Variants in SLC35D2 observed in about 807,000 individuals in gnomAD.
SLC35D2 encodes nucleotide sugar transporter SLC35D2.
A neutral mutation model predicts 41.8 loss-of-function variants in SLC35D2; 43 were observed. The ratio of observed to expected loss-of-function variants is 1.03; its 90% CI spans 0.81 to 1.33. The LOEUF is 1.33. Among genes scored for constraint, SLC35D2 ranks in the 40% most tolerant of loss-of-function variants. The probability of loss-of-function intolerance (pLI) is 0.00; values close to 1 mark genes in which losing one functional copy is unlikely to be tolerated. For missense variants in SLC35D2, 380 were observed against 408.4 expected, an observed-to-expected ratio of 0.93 and a Z score of 0.60; for synonymous variants, 150 against 163.9, an observed-to-expected ratio of 0.92 and a Z score of 0.65.
chr9:96,370,250 T>G (rs1830623586), intron 1 of SLC35D2, among the ~76,000 whole-genome samples: 1 of 152,200 alleles, frequency 6.6e-6, no homozygotes, highest in African/African-American at 2.4e-5. Flanking sequence ...TCTGCCTAAT[T>G]CTGCCTCCTG....
At chr9:96,363,427 C>T (rs1830359452) in intron 3 of SLC35D2, among the ~76,000 whole-genome samples, 1 of 152,190 alleles carries the variant, frequency 6.6e-6, no homozygotes, top group Non-Finnish European at 1.5e-5. Flanking sequence ...GAGATCCTCA[C>T]CCTCAGGGAA....
chr9:96,362,202 C>A (rs577943960), intron 3 of SLC35D2, among the ~76,000 whole-genome samples: 3 of 152,016 alleles, frequency 2.0e-5, no homozygotes. Flanking sequence ...GCAGGTAAAA[C>A]GAGACTACAG....
chr9:96,371,719 T>TC, intron 1 of SLC35D2, among the ~76,000 whole-genome samples: 1 of 58,258 alleles, frequency 1.7e-5, no homozygotes, highest in African/African-American at 1.5e-4. Flanking sequence ...ACTAAATTTC[T>TC]TTTTTTTTTT....
intron 1 of SLC35D2, among the ~76,000 whole-genome samples, chr9:96,370,103 A>G (rs1349970965): frequency 6.6e-6 from 1 of 152,062 alleles, no homozygotes; most frequent in Non-Finnish European, 1.5e-5. Flanking sequence ...CATGGCCTGC[A>G]TTTTAACTGT....
At chr9:96,327,120 G>A (rs1828573349) in intron 9 of SLC35D2, among the ~76,000 whole-genome samples, 1 of 152,192 alleles carries the variant, frequency 6.6e-6, no homozygotes, top group Non-Finnish European at 1.5e-5. Flanking sequence ...GGCCGCCTAT[G>A]CACCAGCACA....
At chr9:96,380,636 T>TG (rs1831161058) in intron 1 of SLC35D2, among the ~76,000 whole-genome samples, 1 of 151,420 alleles carries the variant, frequency 6.6e-6, no homozygotes. Context: ...TTTTTTTTGT[T>TG]TGTTTTTTTT....
At chr9:96,320,265 G>C (rs964279638), downstream of SLC35D2, among the ~76,000 whole-genome samples, 6 of 152,204 alleles carry the variant, frequency 3.9e-5, no homozygotes, top group Non-Finnish European at 8.8e-5. Flanking sequence ...TGTGATCCCA[G>C]CACTTTAGGA....
At chr9:96,383,430 G>A (rs570164912) in intron 1 of SLC35D2, 47 bp downstream of exon 1, 17 of 1,457,998 alleles carry the variant, frequency 1.2e-5, no homozygotes, top group Non-Finnish European at 1.6e-5. Context: ...GAGGACAGGG[G>A]CAGCCCCGCA....
At chr9:96,350,996 G>T in intron 6 of SLC35D2, 107 bp downstream of exon 6, 1 of 842,360 alleles carries the variant, frequency 1.2e-6, no homozygotes, top group Non-Finnish European at 2.0e-6. Context: ...TCTCTTGCCT[G>T]CTCAATTCAA....
At chr9:96,374,590 T>G (rs1830854557) in intron 1 of SLC35D2, among the ~76,000 whole-genome samples, 1 of 148,984 alleles carries the variant, frequency 6.7e-6, no homozygotes, top group Non-Finnish European at 1.5e-5. Flanking sequence ...ATCCCAGCAC[T>G]TTGGGAGGAC....
intron 8 of SLC35D2, 35 bp from the exon 9 acceptor site, chr9:96,336,819 T>A: frequency 1.7e-6 from 2 of 1,195,694 alleles, no homozygotes; most frequent in Non-Finnish European, 2.4e-6. Context: ...ATGATTAGGT[T>A]AATAATACTG....
intron 8 of SLC35D2, among the ~76,000 whole-genome samples, chr9:96,343,364 C>T (rs184479235): frequency 7.2e-5 from 11 of 152,214 alleles, no homozygotes; most frequent in East Asian, 5.8e-4. Context: ...GGTAAAATGG[C>T]GTGATGGCTG....
downstream of SLC35D2, among the ~76,000 whole-genome samples, chr9:96,319,719 CA>C (rs1828143742): frequency 6.6e-6 from 1 of 152,108 alleles, no homozygotes; most frequent in South Asian, 2.1e-4. Context: ...AGGCTGGCCT[CA>C]AACTCCTAGG....
At chr9:96,365,314 A>G (rs1184328660) in intron 2 of SLC35D2, among the ~76,000 whole-genome samples, 1 of 151,890 alleles carries the variant, frequency 6.6e-6, no homozygotes, top group Non-Finnish European at 1.5e-5. Context: ...AACTATGATC[A>G]TGCCACTGCA....
rs149609093 is a variant in SLC35D2 at position 96,337,578 on chromosome 9, C to G, written c.685-794G>C. On this transcript the variant is annotated intron_variant, in intron 8 of 11. Coordinates refer to ENST00000253270, the MANE Select transcript of SLC35D2 (RefSeq NM_007001.3). ...AAAGTTTAAGGTCATAAACTGTTCT[C>G]AGGAACTTGCACATGCTTAGGAAGT... Among the ~76,000 whole-genome samples the G allele has an allele frequency of 3.7e-4, 56 of 152,250 alleles. 1 individual carries two copies. In the East Asian group the frequency reaches 0.01, roughly 28 times the overall value.
intron 1 of SLC35D2, among the ~76,000 whole-genome samples, chr9:96,370,214 G>C (rs1731843210): frequency 6.6e-6 from 1 of 152,184 alleles, no homozygotes; most frequent in African/African-American, 2.4e-5. Flanking sequence ...CCTTTGCTGT[G>C]ACTGCCTCAG....
chr9:96,337,211 CT>C (rs916927392), intron 8 of SLC35D2, among the ~76,000 whole-genome samples: 1 of 151,840 alleles, frequency 6.6e-6, no homozygotes, highest in Non-Finnish European at 1.5e-5. Context: ...TTAATTATCT[CT>C]TTTTTTTCTT....
At chr9:96,371,281 A>G (rs925056304) in intron 1 of SLC35D2, among the ~76,000 whole-genome samples, 1 of 152,006 alleles carries the variant, frequency 6.6e-6, no homozygotes, top group African/African-American at 2.4e-5. Flanking sequence ...CCTGGCCAAC[A>G]TGGTGAAACC....
At chr9:96,335,785 G>A (rs1316353352) in intron 9 of SLC35D2, among the ~76,000 whole-genome samples, 1 of 152,092 alleles carries the variant, frequency 6.6e-6, no homozygotes, top group Admixed American at 6.6e-5. Flanking sequence ...CAGGCGCGGT[G>A]GCTCACGCCT....
Sources: gnomAD v4.1 joint callset for allele counts (sites outside exome capture counted in the v4.1 genomes callset) on GRCh38, gnomAD v4.1.1 for gene constraint, MANE v1.5 for transcripts, NCBI Gene and HGNC (gene_info 2026-07-23, HGNC 2026-07-21) for gene names.